DDX19B: variants seen among roughly 807,000 people sequenced by gnomAD.
The protein encoded by DDX19B is ATP-dependent RNA helicase DDX19B.
In DDX19B, 27 loss-of-function variants were observed where a neutral mutation model predicts 58.1. That is an observed-to-expected ratio of 0.46 (90% CI 0.34 to 0.64). The LOEUF (loss-of-function observed/expected upper bound fraction) is 0.64, where lower values mean the gene tolerates loss of function less well. Ranked by LOEUF, DDX19B falls within the 30% of genes least tolerant of loss-of-function variation. The pLI is 0.01. For missense variants in DDX19B, 399 were observed against 596.5 expected (o/e 0.67, Z 3.45); for synonymous variants, 187 against 214.4 (o/e 0.87, Z 1.12).
rs1285030273 is a variant in DDX19B, at chr16:70,299,303, C to T, written c.6C>T (p.Ala2=). 1.2e-6 allele frequency: 2 copies of T among 1,602,202 alleles called. No individual in the cohort carries two copies. The highest frequency in any genetic ancestry group is 2.7e-5 in the African/African-American group (2 of 74,500). The change falls in exon 1 of 12, where the codon GCC becomes GCT. Residue 2 remains alanine (A), a synonymous_variant. Transcript: ENST00000288071. ...TCCCACCCGCGCCTGGGACCATGGC[C>T]ACTGACTCATGGGCCCTGGCGGTGG... is the stretch of plus-strand genomic sequence containing the variant. The part of the protein sequence containing the change: M[A]TDSWALAVDE...
At position 70,317,608 on chromosome 16, in the gene DDX19B, T is replaced by TC. The variant is rs757881685; in HGVS notation, c.389+22dup. The TC allele has an allele frequency of 1.2e-5, 19 of 1,584,838 alleles. No homozygotes were observed. In the South Asian group the frequency reaches 2.0e-4, roughly 17 times the overall value. ...TGAGCCGTATGTGTCCTATTACAAC[T>TC]CCATTTCATTTTAGATTTTCTATTT... On this transcript the variant is annotated intron_variant, in intron 5 of 11. Transcript: ENST00000288071.
chr16:70,324,110 T>C (rs1188034667), intron 5 of DDX19B, among the ~76,000 whole-genome samples: 1 of 152,054 alleles, frequency 6.6e-6, no homozygotes, highest in African/African-American at 2.4e-5. Flanking sequence ...AGGACCTGTA[T>C]GCCATTATGA....
chr16:70,309,313 G>A (rs1333318897), intron 1 of DDX19B, among the ~76,000 whole-genome samples: 1 of 151,680 alleles, frequency 6.6e-6, no homozygotes, highest in Non-Finnish European at 1.5e-5. Flanking sequence ...GGCTAACACG[G>A]TGAAACCCCG....
intron 1 of DDX19B, among the ~76,000 whole-genome samples, chr16:70,304,616 A>C (rs551021412): frequency 3.1e-4 from 46 of 150,374 alleles, no homozygotes; most frequent in African/African-American, 1.1e-3. Flanking sequence ...CAGGTGATCC[A>C]TCCGCCTTGG....
intron 9 of DDX19B, 44 bp from the exon 10 acceptor site, chr16:70,331,672 CTTTTGT>C (rs1963483475): frequency 3.8e-6 from 6 of 1,584,188 alleles, no homozygotes; most frequent in Non-Finnish European, 5.1e-6. Flanking sequence ...AGTTGTCTTC[CTTTTGT>C]TTTTAACAGG....
intron 10 of DDX19B, among the ~76,000 whole-genome samples, chr16:70,332,380 A>T (rs1436616844): frequency 6.6e-6 from 1 of 152,102 alleles, no homozygotes; most frequent in Non-Finnish European, 1.5e-5. Context: ...AGCTCACTGT[A>T]ACCTCCGCCT....
chr16:70,331,758 T>C lies in DDX19B; in HGVS notation c.1060T>C (p.Ser354Pro), dbSNP rs576285391. ...AGCTAGTTGGCTGGCAGCAGAGCTC[T>C]CAAAAGAAGGCCACCAGGTGGCTCT... The part of the protein sequence containing the change: ...KTASWLAAEL[S>P]KEGHQVALLS... Residue 354 changes from serine (S) to proline (P), a missense_variant, in exon 10 of 12, where the codon TCA (serine) becomes CCA (proline). By Grantham distance (74) the Ser-to-Pro change is moderately conservative. This residue lies in a region of DDX19B where 198 missense variants were observed against 345.9 expected (regional missense o/e 0.57). Coordinates refer to ENST00000288071, the MANE Select transcript of DDX19B (RefSeq NM_007242.7). The C allele has an allele frequency of 6.2e-7, 1 of 1,614,070 alleles. No individual in the cohort carries two copies. Among genetic ancestry groups the C allele is most frequent in the Non-Finnish European group, 8.5e-7 (1 of 1,180,046 alleles).
intron 7 of DDX19B, among the ~76,000 whole-genome samples, chr16:70,328,819 T>G (rs1430251305): frequency 6.6e-6 from 1 of 152,166 alleles, no homozygotes; most frequent in African/African-American, 2.4e-5. Context: ...TATAGTGATA[T>G]CCTAACCTTT....
chr16:70,306,882 A>C (rs1186415509), intron 1 of DDX19B, among the ~76,000 whole-genome samples: 1 of 152,186 alleles, frequency 6.6e-6, no homozygotes, highest in Non-Finnish European at 1.5e-5. Flanking sequence ...CTGTTTCCCT[A>C]CAAACTCCCC....
At chr16:70,332,893 A>C in intron 10 of DDX19B, 75 bp from the exon 11 acceptor site, 1 of 1,613,172 alleles carries the variant, frequency 6.2e-7, no homozygotes, top group East Asian at 2.2e-5. Flanking sequence ...GTCATGCTCC[A>C]TTGTATGGAT....
chr16:70,324,518 AT>A, intron 5 of DDX19B, 66 bp from the exon 6 acceptor site: 2 of 1,451,684 alleles, frequency 1.4e-6, no homozygotes, highest in South Asian at 1.2e-5. Flanking sequence ...TTTAATACTC[AT>A]TTTTTTAAAC....
At chr16:70,328,902 A>G (rs972283703) in intron 7 of DDX19B, among the ~76,000 whole-genome samples, 3 of 151,864 alleles carry the variant, frequency 2.0e-5, no homozygotes, top group Admixed American at 2.0e-4. Context: ...TCTCAGAGAG[A>G]AGAGCTGGCT....
At chr16:70,317,667 G>A (rs1962507680) in intron 5 of DDX19B, 79 bp downstream of exon 5, 2 of 1,326,180 alleles carry the variant, frequency 1.5e-6, no homozygotes, top group South Asian at 1.3e-5. Context: ...AGGCCAGCAA[G>A]GTGGCTTATG....
chr16:70,331,918 G>T, intron 10 of DDX19B, 34 bp downstream of exon 10: 3 of 1,606,166 alleles, frequency 1.9e-6, no homozygotes, highest in Non-Finnish European at 2.6e-6. Context: ...TGGTCTGCCA[G>T]GCTTGGGGTC....
chr16:70,306,041 G>T (rs1961734459), intron 1 of DDX19B, among the ~76,000 whole-genome samples: 1 of 152,104 alleles, frequency 6.6e-6, no homozygotes. Flanking sequence ...GGGATTACAG[G>T]CATGACCCAC....
intron 1 of DDX19B, among the ~76,000 whole-genome samples, chr16:70,301,577 C>G (rs1220904030): frequency 6.6e-6 from 1 of 152,044 alleles, no homozygotes. Context: ...CTGAAAAACT[C>G]TTGTTCTTCA....
intron 4 of DDX19B, 96 bp from the exon 5 acceptor site, chr16:70,317,400 C>T (rs1243004252): frequency 1.1e-6 from 1 of 907,478 alleles, no homozygotes; most frequent in Non-Finnish European, 1.7e-6. Context: ...AAACAAAAAA[C>T]TATGTGTAAA....
At chr16:70,308,279 A>C (rs1168845817) in intron 1 of DDX19B, among the ~76,000 whole-genome samples, 1 of 150,506 alleles carries the variant, frequency 6.6e-6, no homozygotes. Flanking sequence ...TTTAAGACAG[A>C]GTCTCACTCT....
intron 5 of DDX19B, among the ~76,000 whole-genome samples, 196 bp from the exon 6 acceptor site, chr16:70,324,389 G>A (rs74024198): frequency 0.016 from 1,467 of 93,072 alleles, 31 homozygotes; most frequent in African/African-American, 0.056. Flanking sequence ...AAAAAAAAAA[G>A]AAGAAGATGT....
Sources: gnomAD v4.1 joint callset for allele counts (sites outside exome capture counted in the v4.1 genomes callset) on GRCh38, gnomAD v4.1.1 for gene constraint, gnomAD v4.1.1 regional missense constraint, MANE v1.5 for transcripts, NCBI Gene and HGNC (gene_info 2026-07-23, HGNC 2026-07-21) for gene names.